The following ACTN4 variants were observed in gnomAD, a reference collection of about 807,000 sequenced individuals.
The protein encoded by ACTN4 is alpha-actinin-4.
Under a neutral mutation model 114.2 loss-of-function variants are expected in ACTN4, and 18 were observed. The ratio of observed to expected loss-of-function variants is 0.16; its 90% CI spans 0.11 to 0.23. The LOEUF is 0.23. Ranked by LOEUF, ACTN4 falls within the 10% of genes least tolerant of loss-of-function variation. The probability of loss-of-function intolerance (pLI) is 1.00; values close to 1 mark genes in which losing one functional copy is unlikely to be tolerated. For synonymous variants in ACTN4, 515 were observed against 506.3 expected, an observed-to-expected ratio of 1.02 and a Z score of -0.23; for missense variants, 722 against 1,262.9, an observed-to-expected ratio of 0.57 and a Z score of 6.49.
intron 19 of ACTN4, chr19:38,728,525 C>T (rs150131675): frequency 1.1e-5 from 6 of 549,776 alleles, no homozygotes; most frequent in Middle Eastern, 6.7e-4. Context: ...GCAGCGCAGC[C>T]GTGCCTGCCT....
chr19:38,682,628 G>C (rs1225233912), intron 1 of ACTN4, among the ~76,000 whole-genome samples: 1 of 152,172 alleles, frequency 6.6e-6, no homozygotes, highest in African/African-American at 2.4e-5. Context: ...ACGGCCACTG[G>C]GATTGGGGCG....
At chr19:38,707,168 T>C (rs549329775) in intron 5 of ACTN4, among the ~76,000 whole-genome samples, 1 of 152,116 alleles carries the variant, frequency 6.6e-6, no homozygotes, top group Non-Finnish European at 1.5e-5. Flanking sequence ...CCTCCCTTGG[T>C]CACTCTTCTC....
intron 1 of ACTN4, among the ~76,000 whole-genome samples, chr19:38,650,283 C>A (rs1482134158): frequency 6.6e-6 from 1 of 152,146 alleles, no homozygotes; most frequent in Non-Finnish European, 1.5e-5. Context: ...TCACTCCCTC[C>A]CGAGAGTTAG....
rs895526235 is a variant in ACTN4, at chr19:38,729,877, G to GCCA, written c.*454_*456dup. The GCCA allele has an allele frequency of 1.2e-4, 43 of 358,902 alleles. No individual in the cohort carries two copies. Among genetic ancestry groups the GCCA allele is most frequent in the South Asian group, 7.0e-4 (34 of 48,234 alleles). 22.2% of individuals were successfully genotyped at this position (358,902 alleles called of 1,614,324 possible). ...GCCATGCGAGGGGCCAGCAGAGGGC[G>GCCA]CCACCACCACCTGACGGCTGGGGAC... On this transcript the variant is annotated 3_prime_UTR_variant, in exon 21 of 21. Coordinates refer to ENST00000252699, the MANE Select transcript of ACTN4 (RefSeq NM_004924.6).
At chr19:38,680,532 T>A (rs1196541658) in intron 1 of ACTN4, among the ~76,000 whole-genome samples, 1 of 152,088 alleles carries the variant, frequency 6.6e-6, no homozygotes, top group Non-Finnish European at 1.5e-5. Context: ...CGTGAGCAAA[T>A]GACCTGTTTG....
chr19:38,663,112 T>C lies in ACTN4; in HGVS notation c.162+15205T>C, dbSNP rs201596805. Among the ~76,000 whole-genome samples the C allele has an allele frequency of 4.6e-4, 70 of 152,296 alleles. 1 individual carries two copies. In the East Asian group the frequency reaches 0.013, roughly 29 times the overall value. On this transcript the variant is annotated intron_variant, in intron 1 of 20. Transcript: ENST00000252699. The stretch of plus-strand genomic sequence containing the variant: ...TTTTAGTAGAGACGGGGTTTCATCA[T>C]GTTGGCCGGGCTGGTTGTGAACTGC...
intron 1 of ACTN4, among the ~76,000 whole-genome samples, chr19:38,680,956 T>C (rs2144921341): frequency 6.6e-6 from 1 of 151,772 alleles, no homozygotes; most frequent in Non-Finnish European, 1.5e-5. Flanking sequence ...TGAAACCCCG[T>C]CTCTACTAAA....
chr19:38,664,030 G>A (rs985032989), intron 1 of ACTN4, among the ~76,000 whole-genome samples: 3 of 152,200 alleles, frequency 2.0e-5, no homozygotes, highest in African/African-American at 7.2e-5. Flanking sequence ...GCACACTGCC[G>A]CCCAGATGAC....
chr19:38,689,307 G>A (rs1262811788), intron 1 of ACTN4, among the ~76,000 whole-genome samples: 1 of 152,160 alleles, frequency 6.6e-6, no homozygotes, highest in Non-Finnish European at 1.5e-5. Flanking sequence ...CTAAGGAGAA[G>A]CCAAACTCAA....
intron 1 of ACTN4, among the ~76,000 whole-genome samples, chr19:38,674,868 G>T (rs750973381): frequency 1.2e-4 from 18 of 152,328 alleles, no homozygotes; most frequent in Middle Eastern, 6.8e-3. Context: ...GGAGAATAGG[G>T]TATGGCGAAA....
intron 1 of ACTN4, chr19:38,693,464 C>T (rs555909066): frequency 2.6e-5 from 4 of 152,514 alleles, no homozygotes; most frequent in African/African-American, 4.8e-5. Context: ...CTGGGTCAGC[C>T]GCATCCCACC....
rs1168614613 is a variant in ACTN4, at chr19:38,673,745, TTA to T, written c.162+25846_162+25847del. Among the ~76,000 whole-genome samples the T allele has an allele frequency of 9.3e-5, 9 of 96,510 alleles. No homozygotes were observed. The South Asian group carries it at 1.2e-3, about 12-fold the overall frequency. 63.3% of individuals were successfully genotyped at this position (96,510 alleles called of 152,430 possible). A position where few individuals can be genotyped will look rare whatever the true frequency, so the allele number is the denominator to read the frequency against. On this transcript the variant is annotated intron_variant, in intron 1 of 20. Coordinates refer to ENST00000252699, the MANE Select transcript of ACTN4 (RefSeq NM_004924.6). ...TATATACTTATATATATTTATATAT[TTA>T]TATATATTTTTATATATATATATTT...
intron 1 of ACTN4, among the ~76,000 whole-genome samples, chr19:38,677,010 T>C (rs1180301722): frequency 2.0e-5 from 3 of 152,186 alleles, no homozygotes; most frequent in Admixed American, 2.0e-4. Flanking sequence ...TCCGGGCGCA[T>C]GCCAGCTGCC....
chr19:38,711,337 C>T, intron 8 of ACTN4: 3 of 1,043,912 alleles, frequency 2.9e-6, no homozygotes, highest in Non-Finnish European at 3.5e-6. Flanking sequence ...CCTGCTTCTA[C>T]CACGCTTTCT....
At chr19:38,699,684 G>A (rs1028919718) in intron 1 of ACTN4, among the ~76,000 whole-genome samples, 6 of 151,996 alleles carry the variant, frequency 3.9e-5, no homozygotes, top group African/African-American at 1.4e-4. Flanking sequence ...GAACCCAGGA[G>A]GTAGAGATTG....
At chr19:38,672,549 A>G (rs1054834991) in intron 1 of ACTN4, among the ~76,000 whole-genome samples, 1 of 148,402 alleles carries the variant, frequency 6.7e-6, no homozygotes, top group Non-Finnish European at 1.5e-5. Context: ...CCAAGGTTCT[A>G]TTATTTGATC....
chr19:38,716,428 G>T (rs970622514), intron 9 of ACTN4, among the ~76,000 whole-genome samples: 2 of 152,266 alleles, frequency 1.3e-5, no homozygotes, highest in Non-Finnish European at 2.9e-5. Context: ...TCTCAGCATG[G>T]AGCTCAGTGA....
At chr19:38,659,391 A>G (rs1334679139) in intron 1 of ACTN4, among the ~76,000 whole-genome samples, 1 of 152,120 alleles carries the variant, frequency 6.6e-6, no homozygotes, top group Non-Finnish European at 1.5e-5. Flanking sequence ...ATGAGGCACA[A>G]GCCATAGGAT....
chr19:38,707,599 G>A (rs1268500310), intron 5 of ACTN4, among the ~76,000 whole-genome samples: 1 of 152,168 alleles, frequency 6.6e-6, no homozygotes, highest in Non-Finnish European at 1.5e-5. Flanking sequence ...CATGCCAAGT[G>A]AAATCCTGGC....
Sources: allele counts gnomAD v4.1 joint callset (sites outside exome capture counted in the v4.1 genomes callset), GRCh38; gene constraint gnomAD v4.1.1; transcripts MANE v1.5; gene names NCBI Gene and HGNC (gene_info 2026-07-23, HGNC 2026-07-21).